The following SPAG9 variants were observed in gnomAD, a reference collection of about 807,000 sequenced individuals.
SPAG9 encodes the protein C-Jun-amino-terminal kinase-interacting protein 4.
SPAG9 carries 35 observed loss-of-function variants against 166.5 expected under a neutral mutation model. The ratio of observed to expected loss-of-function variants is 0.21; its 90% CI spans 0.16 to 0.28. The LOEUF (loss-of-function observed/expected upper bound fraction) is 0.28, where lower values mean the gene tolerates loss of function less well. SPAG9 is among the 10% of genes least tolerant of loss of function. The pLI, the probability that SPAG9 is intolerant of heterozygous loss-of-function variation, is 1.00. For synonymous variants in SPAG9, 534 were observed against 565.5 expected (o/e 0.94, Z 0.79); for missense variants, 1,235 against 1,603.3 (o/e 0.77, Z 3.92).
chr17:51,078,010 G>T (rs773324380), intron 2 of SPAG9, among the ~76,000 whole-genome samples: 28 of 151,760 alleles, frequency 1.8e-4, no homozygotes, highest in Non-Finnish European at 3.1e-4. Context: ...GCTCAGGCTG[G>T]TCTCAAACTC....
chr17:51,101,544 T>G (rs1320223009), intron 1 of SPAG9, among the ~76,000 whole-genome samples: 1 of 151,854 alleles, frequency 6.6e-6, no homozygotes, highest in Non-Finnish European at 1.5e-5. Context: ...CTAGAACAGG[T>G]AACTGAAAGA....
At chr17:51,086,366 T>G (rs1042290818) in intron 1 of SPAG9, among the ~76,000 whole-genome samples, 2 of 151,980 alleles carry the variant, frequency 1.3e-5, no homozygotes, top group Admixed American at 6.6e-5. Flanking sequence ...CACAGCCATG[T>G]GCAGTGGCTC....
chr17:51,099,664 C>G lies in SPAG9; in HGVS notation c.304-19960G>C, dbSNP rs184598742. On this transcript the variant is annotated intron_variant, in intron 1 of 29. Coordinates refer to ENST00000262013, the MANE Select transcript of SPAG9 (RefSeq NM_001130528.3). The stretch of plus-strand genomic sequence containing the variant: ...GCTTCTGTAGGTATATGGCCAACAT[C>G]TTACATTTCTGACTTTAATTTACAG... Among the ~76,000 whole-genome samples, 19 of 138,476 alleles carry G rather than the reference C, an allele frequency of 1.4e-4. No individual in the cohort carries two copies. The Admixed American group carries it at 1.4e-3, about 11-fold the overall frequency. 90.8% of individuals were successfully genotyped at this position (138,476 alleles called of 152,430 possible).
intron 8 of SPAG9, among the ~76,000 whole-genome samples, 189 bp downstream of exon 8, chr17:51,019,970 A>G (rs2045874603): frequency 6.6e-6 from 1 of 152,256 alleles, no homozygotes; most frequent in Admixed American, 6.5e-5. Context: ...GTGATCCTGC[A>G]AAGATAACAT....
At chr17:51,087,413 T>C (rs367794232) in intron 1 of SPAG9, among the ~76,000 whole-genome samples, 2 of 152,218 alleles carry the variant, frequency 1.3e-5, no homozygotes, top group East Asian at 3.8e-4. Context: ...ATACAGCTCT[T>C]GGCAGAAAAA....
chr17:51,022,435 A>C (rs1487553076), intron 6 of SPAG9, among the ~76,000 whole-genome samples: 2 of 152,142 alleles, frequency 1.3e-5, no homozygotes, highest in Non-Finnish European at 2.9e-5. Context: ...TGCAAATTGA[A>C]ATTGTATGCA....
At chr17:51,012,489 G>T (rs2045527168) in intron 9 of SPAG9, among the ~76,000 whole-genome samples, 1 of 151,500 alleles carries the variant, frequency 6.6e-6, no homozygotes, top group Admixed American at 6.6e-5. Context: ...AGAATCACTT[G>T]AACCAGGGAG....
At chr17:51,046,772 C>T in intron 4 of SPAG9, 2 of 1,534,780 alleles carry the variant, frequency 1.3e-6, no homozygotes, top group East Asian at 2.4e-5. Context: ...AAAAACAATG[C>T]CATCAGCAGC....
intron 4 of SPAG9, chr17:51,046,803 A>G (rs776249630): frequency 6.5e-7 from 1 of 1,534,088 alleles, no homozygotes. Flanking sequence ...TCCATCCTGC[A>G]GCAGCTCCCA....
chr17:50,973,915 A>G (rs1567951204), intron 28 of SPAG9, among the ~76,000 whole-genome samples: 2 of 152,268 alleles, frequency 1.3e-5, no homozygotes, highest in South Asian at 4.2e-4. Flanking sequence ...GTGTGACCCA[A>G]TTTCTTAACA....
chr17:50,983,054 T>G (rs1974773822), intron 24 of SPAG9, among the ~76,000 whole-genome samples: 1 of 152,202 alleles, frequency 6.6e-6, no homozygotes, highest in Admixed American at 6.5e-5. Context: ...TTTTCTTGGG[T>G]AGAAGTTGAG....
intron 17 of SPAG9, 51 bp downstream of exon 17, chr17:50,995,393 A>C (rs750942583): frequency 6.7e-6 from 10 of 1,492,866 alleles, no homozygotes; most frequent in Non-Finnish European, 5.5e-6. Flanking sequence ...TTTAGAAAAA[A>C]AACTACCCAG....
At chr17:50,980,740 G>T (rs1974533506) in intron 25 of SPAG9, among the ~76,000 whole-genome samples, 1 of 152,094 alleles carries the variant, frequency 6.6e-6, no homozygotes, top group Non-Finnish European at 1.5e-5. Flanking sequence ...GTGCATGCCT[G>T]TATTCCTAGC....
intron 1 of SPAG9, among the ~76,000 whole-genome samples, chr17:51,099,410 G>T (rs2048738355): frequency 7.5e-6 from 1 of 133,910 alleles, no homozygotes; most frequent in African/African-American, 2.7e-5. Flanking sequence ...TCCAGCCTGG[G>T]CAATAAGAGC....
Position 50,975,730 on chromosome 17 carries a change from C to A in SPAG9, c.3524-783G>T. 4 of 603,124 alleles carry A rather than the reference C, an allele frequency of 6.6e-6. No individual in the cohort carries two copies. In the South Asian group the frequency reaches 6.8e-5, roughly 10 times the overall value. The allele number at this position is 603,124 out of a possible 1,614,324, so 37.4% of individuals were successfully genotyped here. On this transcript the variant is annotated intron_variant, in intron 27 of 29. Transcript: ENST00000262013. ...AAACATTAAAAAAAAAAAAAAGACA[C>A]CTGCTGCGATGCAGTGACTGCAAGT...
chr17:50,989,483 A>G, intron 21 of SPAG9, 194 bp downstream of exon 21: 1 of 640,828 alleles, frequency 1.6e-6, no homozygotes, highest in East Asian at 2.7e-5. Flanking sequence ...TGGAAGGTGT[A>G]CAGAAGAAAT....
intron 1 of SPAG9, among the ~76,000 whole-genome samples, chr17:51,099,759 TAAAAAAAAAAAAAAAAAA>T (rs58721041): frequency 9.2e-5 from 4 of 43,630 alleles, no homozygotes; most frequent in Non-Finnish European, 1.9e-4. Flanking sequence ...CTTCTATTAC[TAAAAAAAAAAAAAAAAAA>T]AAAAAAAAAA....
intron 4 of SPAG9, among the ~76,000 whole-genome samples, chr17:51,042,890 A>G (rs776317724): frequency 6.6e-6 from 1 of 152,154 alleles, no homozygotes; most frequent in Admixed American, 6.6e-5. Flanking sequence ...AGGCAGTACA[A>G]TAAGAGGGTA....
At chr17:51,077,029 T>TCTAGCTATCTAGCTAG (rs1442787507) in intron 2 of SPAG9, among the ~76,000 whole-genome samples, 11 of 65,298 alleles carry the variant, frequency 1.7e-4, no homozygotes, top group African/African-American at 5.0e-4. Flanking sequence ...TATCTAGCTA[T>TCTAGCTATCTAGCTAG]CTATCTAGCT....
Sources: allele counts gnomAD v4.1 joint callset (sites outside exome capture counted in the v4.1 genomes callset), GRCh38; gene constraint gnomAD v4.1.1; transcripts MANE v1.5; gene names NCBI Gene and HGNC (gene_info 2026-07-23, HGNC 2026-07-21).